TTC29: variants seen among roughly 807,000 people sequenced by gnomAD.
TTC29 encodes the protein tetratricopeptide repeat domain 29, also known as tetratricopeptide repeat protein 29.
In TTC29, 49 loss-of-function variants were observed where a neutral mutation model predicts 58.1. That is an observed-to-expected ratio of 0.84 (90% CI 0.67 to 1.07). TTC29 has a LOEUF of 1.07. TTC29 is among the 50% of genes least tolerant of loss of function. TTC29 has a pLI of 0.00. For synonymous variants in TTC29, 209 were observed against 196.8 expected (o/e 1.06, Z -0.52); for missense variants, 582 against 555.6 (o/e 1.05, Z -0.48).
At chr4:146,927,338 G>A (rs1359273271) in intron 4 of TTC29, among the ~76,000 whole-genome samples, 1 of 152,068 alleles carries the variant, frequency 6.6e-6, no homozygotes, top group Non-Finnish European at 1.5e-5. Flanking sequence ...GTTAATGAGA[G>A]TAAATCTGGG....
At chr4:146,837,258 C>T (rs1728570347) in intron 8 of TTC29, among the ~76,000 whole-genome samples, 1 of 152,102 alleles carries the variant, frequency 6.6e-6, no homozygotes, top group Admixed American at 6.6e-5. Flanking sequence ...AAACCAAATA[C>T]TGCATGTTCT....
chr4:146,733,667 C>T (rs1011223767), intron 11 of TTC29, among the ~76,000 whole-genome samples: 1 of 152,054 alleles, frequency 6.6e-6, no homozygotes, highest in Non-Finnish European at 1.5e-5. Flanking sequence ...AATGCCTACT[C>T]AAAATGTCTC....
chr4:146,862,940 G>A (rs909336098), intron 8 of TTC29, among the ~76,000 whole-genome samples: 1 of 151,930 alleles, frequency 6.6e-6, no homozygotes, highest in African/African-American at 2.4e-5. Context: ...GGCTAACACG[G>A]TGAAACCCCG....
At chr4:146,726,406 T>C (rs1053002278) in intron 11 of TTC29, among the ~76,000 whole-genome samples, 5 of 152,028 alleles carry the variant, frequency 3.3e-5, no homozygotes, top group African/African-American at 1.2e-4. Flanking sequence ...TGAGCCGAAA[T>C]TGCACCACTG....
At chr4:146,755,842 A>T (rs1368746590) in intron 11 of TTC29, among the ~76,000 whole-genome samples, 1 of 152,144 alleles carries the variant, frequency 6.6e-6, no homozygotes, top group East Asian at 1.9e-4. Flanking sequence ...AGTCTACCCT[A>T]TTCCAAAACT....
chr4:146,722,520 A>C (rs1743445739), intron 11 of TTC29, among the ~76,000 whole-genome samples: 1 of 152,198 alleles, frequency 6.6e-6, no homozygotes, highest in Non-Finnish European at 1.5e-5. Context: ...ATAAAGCTGC[A>C]CACCTACGGC....
At chr4:146,857,298 G>GTGTGTGTGTGTGTGTGTGTGTGTGT (rs1561193683) in intron 8 of TTC29, among the ~76,000 whole-genome samples, 2 of 151,622 alleles carry the variant, frequency 1.3e-5, no homozygotes, top group African/African-American at 4.9e-5. Flanking sequence ...GTGTGTGTGT[G>GTGTGTGTGTGTGTGTGTGTGTGTGT]GAGGGTAATG....
intron 2 of TTC29, chr4:146,944,320 C>A (rs1736717529): frequency 6.6e-6 from 1 of 152,186 alleles, no homozygotes; most frequent in African/African-American, 2.4e-5. Flanking sequence ...GCTCTTGTAT[C>A]ACAGCTACAA....
At chr4:146,842,259 A>G (rs1398842321) in intron 8 of TTC29, among the ~76,000 whole-genome samples, 4 of 152,108 alleles carry the variant, frequency 2.6e-5, no homozygotes, top group Non-Finnish European at 5.9e-5. Context: ...GAGGCTAGCC[A>G]TTCAATCACT....
At chr4:146,845,756 C>T (rs969618283) in intron 8 of TTC29, among the ~76,000 whole-genome samples, 22 of 152,184 alleles carry the variant, frequency 1.4e-4, no homozygotes, top group African/African-American at 5.3e-4. Context: ...AATTGCAGGC[C>T]CCGCTGCCTG....
At chr4:146,814,132 G>A (rs1751217639) in intron 10 of TTC29, among the ~76,000 whole-genome samples, 1 of 152,028 alleles carries the variant, frequency 6.6e-6, no homozygotes, top group African/African-American at 2.4e-5. Context: ...TCTGTGCCAG[G>A]TTTTTTTCTA....
intron 11 of TTC29, among the ~76,000 whole-genome samples, chr4:146,785,621 A>T (rs990293525): frequency 2.0e-5 from 3 of 151,334 alleles, no homozygotes; most frequent in African/African-American, 7.4e-5. Context: ...CTTTTCCCCC[A>T]GTCTAAAAAA....
intron 8 of TTC29, among the ~76,000 whole-genome samples, chr4:146,862,008 G>A (rs10018635): frequency 0.37 from 56,872 of 151,698 alleles, 11,107 homozygotes; most frequent in African/African-American, 0.48. Flanking sequence ...AACCTAACAC[G>A]ACAAAGCTGT....
At chr4:146,732,246 T>C (rs1342380055) in intron 11 of TTC29, among the ~76,000 whole-genome samples, 2 of 152,146 alleles carry the variant, frequency 1.3e-5, no homozygotes, top group Non-Finnish European at 2.9e-5. Context: ...CAGATATCTA[T>C]AGTTGTGGGC....
At chr4:146,716,545 T>C (rs1742941940) in intron 11 of TTC29, among the ~76,000 whole-genome samples, 1 of 152,122 alleles carries the variant, frequency 6.6e-6, no homozygotes, top group Non-Finnish European at 1.5e-5. Flanking sequence ...TGTAAACACA[T>C]CCATCATCCA....
intron 8 of TTC29, 26 bp from the exon 9 acceptor site, chr4:146,833,923 A>G (rs1383567321): frequency 2.0e-6 from 3 of 1,503,120 alleles, no homozygotes; most frequent in Non-Finnish European, 2.8e-6. Context: ...ATACATATTG[A>G]ACATATAGCA....
At chr4:146,915,959 T>A (rs1560715493) in intron 4 of TTC29, among the ~76,000 whole-genome samples, 1 of 151,888 alleles carries the variant, frequency 6.6e-6, no homozygotes. Context: ...ATACTTTTAT[T>A]TCATTAAGTT....
chr4:146,939,308 A>T (rs560898145), intron 3 of TTC29, among the ~76,000 whole-genome samples: 2 of 152,234 alleles, frequency 1.3e-5, no homozygotes, highest in Non-Finnish European at 2.9e-5. Flanking sequence ...ACAAAAACTT[A>T]GCTGGGCATA....
intron 11 of TTC29, among the ~76,000 whole-genome samples, chr4:146,732,517 A>G (rs1162740865): frequency 1.3e-5 from 2 of 152,136 alleles, no homozygotes; most frequent in African/African-American, 2.4e-5. Context: ...AACCTGTAAG[A>G]ATGGGATGCT....
Sources: gnomAD v4.1 joint callset for allele counts (sites outside exome capture counted in the v4.1 genomes callset) on GRCh38, gnomAD v4.1.1 for gene constraint, MANE v1.5 for transcripts, NCBI Gene and HGNC (gene_info 2026-07-23, HGNC 2026-07-21) for gene names.